The following NAA16 variants were observed in gnomAD, a reference collection of about 807,000 sequenced individuals.
NAA16 encodes N-alpha-acetyltransferase 16, NatA auxiliary subunit, also known as NARG1-like protein.
In NAA16, 97 loss-of-function variants were observed where a neutral mutation model predicts 110.3. The ratio of observed to expected loss-of-function variants is 0.88; its 90% CI spans 0.75 to 1.04. The LOEUF (loss-of-function observed/expected upper bound fraction) is 1.04. NAA16 is among the 50% of genes least tolerant of loss of function. The pLI, the probability that NAA16 is intolerant of heterozygous loss-of-function variation, is 0.00. For missense variants in NAA16, 1,017 were observed against 1,005.1 expected (o/e 1.01, Z -0.16); for synonymous variants, 372 against 330.6 (o/e 1.13, Z -1.36).
chr13:41,368,881 G>T (rs2043259378), intron 14 of NAA16, among the ~76,000 whole-genome samples: 1 of 152,090 alleles, frequency 6.6e-6, no homozygotes, highest in African/African-American at 2.4e-5. Context: ...CTAATTAAAA[G>T]TATACAGGAG....
intron 8 of NAA16, among the ~76,000 whole-genome samples, chr13:41,333,643 GCTT>G (rs201123371): frequency 0.013 from 1,973 of 152,106 alleles, 45 homozygotes; most frequent in African/African-American, 0.045. Flanking sequence ...ACATTCATAT[GCTT>G]CTTAGGAAAG....
intron 12 of NAA16, 23 bp downstream of exon 12, chr13:41,358,985 A>G (rs747235481): frequency 5.7e-6 from 9 of 1,566,556 alleles, no homozygotes; most frequent in Admixed American, 1.7e-5. Flanking sequence ...ATGCATGAGC[A>G]TGTAATTGTC....
At chr13:41,353,153 T>C (rs980320817) in intron 9 of NAA16, among the ~76,000 whole-genome samples, 10 of 122,170 alleles carry the variant, frequency 8.2e-5, no homozygotes, top group East Asian at 2.9e-4. Flanking sequence ...GGTTTCACCC[T>C]AGAGATGCAT....
At chr13:41,314,828 A>T (rs1345596834) in intron 1 of NAA16, among the ~76,000 whole-genome samples, 4 of 152,026 alleles carry the variant, frequency 2.6e-5, no homozygotes, top group Non-Finnish European at 5.9e-5. Context: ...TCTACCAAAA[A>T]TAAAAAAATA....
rs1348111444 is a variant in NAA16, at chr13:41,375,487, G to C, written c.2480G>C (p.Cys827Ser). The C allele has an allele frequency of 1.2e-6, 2 of 1,613,980 alleles. No homozygotes were observed. Among genetic ancestry groups the C allele is most frequent in the African/African-American group, 1.3e-5 (1 of 74,950 alleles). The change falls in exon 20 of 20, where the codon TGT becomes TCT. Residue 827 changes from cysteine to serine, a missense_variant. Cys to Ser is a moderately radical substitution (Grantham distance 112). Transcript: ENST00000379406. ...SSQYEEYRMA[C>S]HNLLPFTSAF... ...CAATATGAAGAATATAGGATGGCCT[G>C]TCATAACCTGCTTCCTTTTACATCT...
chr13:41,363,694 A>G (rs930165087), intron 13 of NAA16, among the ~76,000 whole-genome samples: 1 of 152,166 alleles, frequency 6.6e-6, no homozygotes, highest in Non-Finnish European at 1.5e-5. Flanking sequence ...TTTTGAAGAA[A>G]GAAACTACAG....
chr13:41,337,006 T>A, intron 9 of NAA16, among the ~76,000 whole-genome samples: 1 of 152,300 alleles, frequency 6.6e-6, no homozygotes, highest in South Asian at 2.1e-4. Context: ...GGATTTTAAA[T>A]TTGACATTGT....
chr13:41,319,466 C>G (rs1481116187), intron 3 of NAA16, among the ~76,000 whole-genome samples: 2 of 151,976 alleles, frequency 1.3e-5, no homozygotes, highest in African/African-American at 4.8e-5. Flanking sequence ...TTAATTTGAT[C>G]TTTATAATTG....
intron 9 of NAA16, among the ~76,000 whole-genome samples, chr13:41,340,801 A>G (rs1236115184): frequency 6.6e-6 from 1 of 151,050 alleles, no homozygotes; most frequent in Non-Finnish European, 1.5e-5. Flanking sequence ...CTCAGTCTCC[A>G]GATCAGCCGG....
intron 9 of NAA16, among the ~76,000 whole-genome samples, chr13:41,344,429 G>T (rs1390095838): frequency 6.6e-6 from 1 of 152,226 alleles, no homozygotes; most frequent in African/African-American, 2.4e-5. Context: ...TTCTTAATGA[G>T]GGTGTTGGGG....
intron 13 of NAA16, chr13:41,362,723 C>A (rs2043138329): frequency 7.8e-7 from 1 of 1,289,612 alleles, no homozygotes. Context: ...TCTTTGTCAT[C>A]TCTGAAGCAC....
intron 13 of NAA16, among the ~76,000 whole-genome samples, chr13:41,365,690 G>A (rs2043194624): frequency 6.6e-6 from 1 of 152,144 alleles, no homozygotes. Context: ...GAGAGCCTCT[G>A]GCAAACTAGG....
intron 15 of NAA16, among the ~76,000 whole-genome samples, chr13:41,371,301 TG>T (rs2043312056): frequency 6.6e-6 from 1 of 152,208 alleles, no homozygotes; most frequent in African/African-American, 2.4e-5. Context: ...TTTTATGACA[TG>T]GACCCTTCTA....
rs1392770599 is a variant in NAA16, at chr13:41,333,761, A to G, written c.907+2392A>G. On this transcript the variant is annotated intron_variant, in intron 8 of 19. Coordinates refer to ENST00000379406, the MANE Select transcript of NAA16 (RefSeq NM_024561.5). ...GTTTATACTGCCTAAATTTATTTCC[A>G]TAGACAATATAAGTTTACTAAAAGC... Among the ~76,000 whole-genome samples, 4 of 152,092 alleles carry G rather than the reference A, an allele frequency of 2.6e-5. No homozygotes were observed. In the East Asian group the frequency reaches 5.8e-4, roughly 22 times the overall value.
Position 41,367,560 on chromosome 13 carries a change from A to G in NAA16, c.1661A>G (p.Tyr554Cys). 1.2e-6 allele frequency: 2 copies of G among 1,613,392 alleles called. No homozygotes were observed. The highest frequency in any genetic ancestry group is 1.7e-6 in the Non-Finnish European group (2 of 1,179,670). ...LEDILRRHAF[Y>C]FKAARSAIEI... ...GATATACTCAGAAGACATGCCTTTT[A>G]TTTCAAGGCTGCTAGATCAGCGATT... Residue 554 changes from tyrosine to cysteine, a missense_variant, in exon 14 of 20, where the codon TAT (tyrosine) becomes TGT (cysteine). By Grantham distance (194) the Tyr-to-Cys change is radical (BLOSUM62 -2). Coordinates refer to ENST00000379406, the MANE Select transcript of NAA16 (RefSeq NM_024561.5).
At position 41,376,824 on chromosome 13, in the gene NAA16, C is replaced by T. The variant is rs1375791346; in HGVS notation, c.*1222C>T. The T allele has an allele frequency of 6.6e-6, 1 of 152,126 alleles. No individual in the cohort carries two copies. The highest frequency in any genetic ancestry group is 1.5e-5 in the Non-Finnish European group (1 of 68,024). 9.4% of individuals were successfully genotyped at this position (152,126 alleles called of 1,614,324 possible). ...TACAGAAAACAGTAATGGAATCACTCATGTTCAGAACCTTGTAAATATGTC... is the reference window on the plus strand; with the variant it reads ...TACAGAAAACAGTAATGGAATCACTTATGTTCAGAACCTTGTAAATATGTC... On this transcript the variant is annotated 3_prime_UTR_variant, in exon 20 of 20. Transcript: ENST00000379406.
chr13:41,348,784 C>G (rs940190020), intron 9 of NAA16, among the ~76,000 whole-genome samples: 10 of 152,012 alleles, frequency 6.6e-5, no homozygotes, highest in African/African-American at 2.4e-4. Flanking sequence ...TGGGCCTGGA[C>G]TTTTCTTTGT....
At chr13:41,374,701 G>A (rs1193906828) in intron 18 of NAA16, 41 bp from the exon 19 acceptor site, 1 of 1,270,244 alleles carries the variant, frequency 7.9e-7, no homozygotes, top group East Asian at 2.3e-5. Flanking sequence ...AAAATGTAAA[G>A]TATAGGTGTT....
At chr13:41,362,776 C>T (rs1401093519) in intron 13 of NAA16, 5 of 1,289,682 alleles carry the variant, frequency 3.9e-6, no homozygotes, top group Non-Finnish European at 5.1e-6. Context: ...GCCGCAAATG[C>T]ACCCCTGAGG....
Sources: allele counts gnomAD v4.1 joint callset (sites outside exome capture counted in the v4.1 genomes callset), GRCh38; gene constraint gnomAD v4.1.1; transcripts MANE v1.5; gene names NCBI Gene and HGNC (gene_info 2026-07-23, HGNC 2026-07-21).